The following GALNT13 variants were observed in gnomAD, a reference collection of about 807,000 sequenced individuals.
The protein encoded by GALNT13 is polypeptide N-acetylgalactosaminyltransferase 13.
In GALNT13, 28 loss-of-function variants were observed where a neutral mutation model predicts 64.2. The observed-to-expected ratio is 0.44, with a 90% CI of 0.32 to 0.60. The LOEUF (loss-of-function observed/expected upper bound fraction) is 0.60. Among genes scored for constraint, GALNT13 ranks in the 20% least tolerant of loss-of-function variants. The probability of loss-of-function intolerance (pLI) is 0.05; values close to 1 mark genes in which losing one functional copy is unlikely to be tolerated. For missense variants in GALNT13, 577 were observed against 669.8 expected (o/e 0.86, Z 1.53); for synonymous variants, 214 against 224.6 (o/e 0.95, Z 0.42).
chr2:153,778,253 A>G, the GALNT13 span, among the ~76,000 whole-genome samples: 1 of 152,162 alleles, frequency 6.6e-6, no homozygotes, highest in African/African-American at 2.4e-5. Flanking sequence ...TGCCTGCTAC[A>G]GTCTCAGAGT....
chr2:154,340,094 G>A (rs1438464150), intron 9 of GALNT13, among the ~76,000 whole-genome samples: 1 of 152,096 alleles, frequency 6.6e-6, no homozygotes, highest in Non-Finnish European at 1.5e-5. Flanking sequence ...TCAAATAATA[G>A]ACTCTGACAT....
intron 2 of GALNT13, among the ~76,000 whole-genome samples, chr2:153,940,879 G>C (rs977196242): frequency 7.2e-5 from 11 of 152,152 alleles, no homozygotes; most frequent in Admixed American, 1.3e-4. Flanking sequence ...GAAAGTTTAT[G>C]ACTATAGATA....
the GALNT13 span, among the ~76,000 whole-genome samples, chr2:153,220,336 A>T: frequency 6.6e-6 from 1 of 152,130 alleles, no homozygotes; most frequent in Non-Finnish European, 1.5e-5. Context: ...AGATAAATAC[A>T]CCTAGAACTG....
the GALNT13 span, among the ~76,000 whole-genome samples, chr2:153,166,575 T>C: frequency 2.6e-5 from 4 of 151,634 alleles, no homozygotes; most frequent in African/African-American, 9.7e-5. Flanking sequence ...CTGCTTCCCA[T>C]TCTTAAGCTG....
chr2:153,876,778 C>T (rs980544724), intron 1 of GALNT13, among the ~76,000 whole-genome samples: 1 of 152,042 alleles, frequency 6.6e-6, no homozygotes, highest in Admixed American at 6.5e-5. Flanking sequence ...TTTAGTATGT[C>T]TTTAGACTTA....
At chr2:153,324,831 C>A in the GALNT13 span, among the ~76,000 whole-genome samples, 1 of 152,110 alleles carries the variant, frequency 6.6e-6, no homozygotes, top group Non-Finnish European at 1.5e-5. Context: ...AGGAATAAAG[C>A]CAACTTGATT....
At chr2:153,282,991 T>C in the GALNT13 span, among the ~76,000 whole-genome samples, 2 of 152,192 alleles carry the variant, frequency 1.3e-5, no homozygotes, top group South Asian at 2.1e-4. Flanking sequence ...TATAAGCCAG[T>C]AGATGACACT....
intron 2 of GALNT13, among the ~76,000 whole-genome samples, chr2:153,913,378 T>C (rs1300577458): frequency 6.6e-6 from 1 of 151,878 alleles, no homozygotes; most frequent in Admixed American, 6.6e-5. Flanking sequence ...GAAGGGAAGG[T>C]TTGTCTGTGC....
the GALNT13 span, among the ~76,000 whole-genome samples, chr2:153,828,178 T>A: frequency 6.6e-6 from 1 of 152,324 alleles, no homozygotes; most frequent in South Asian, 2.1e-4. Flanking sequence ...CAGTGCAAGC[T>A]CTCAGTGGAT....
the GALNT13 span, among the ~76,000 whole-genome samples, chr2:153,760,777 T>C: frequency 1.3e-5 from 2 of 152,110 alleles, no homozygotes; most frequent in African/African-American, 4.8e-5. Flanking sequence ...GCTAATGTTT[T>C]CTTATTTATT....
intron 9 of GALNT13, among the ~76,000 whole-genome samples, chr2:154,315,090 A>G (rs12693974): frequency 0.36 from 55,066 of 151,982 alleles, 10,365 homozygotes; most frequent in East Asian, 0.64. Context: ...TTTCTCAGAT[A>G]TGCTAAATTG....
the GALNT13 span, among the ~76,000 whole-genome samples, chr2:153,800,024 T>A: frequency 2.1e-5 from 3 of 143,638 alleles, no homozygotes; most frequent in African/African-American, 7.5e-5. Context: ...TGATTTCTCT[T>A]ATGCTTATTC....
chr2:154,355,253 T>A (rs1696671792), intron 9 of GALNT13, among the ~76,000 whole-genome samples: 1 of 152,146 alleles, frequency 6.6e-6, no homozygotes, highest in African/African-American at 2.4e-5. Flanking sequence ...GCAGTAATTC[T>A]GTTGAAGCAC....
At chr2:154,126,604 C>A (rs1207749651) in intron 3 of GALNT13, among the ~76,000 whole-genome samples, 1 of 146,546 alleles carries the variant, frequency 6.8e-6, no homozygotes, top group Non-Finnish European at 1.5e-5. Context: ...CATTGCACTC[C>A]AGCCCGGACG....
chr2:154,288,828 G>A (rs1692431663), intron 8 of GALNT13, among the ~76,000 whole-genome samples: 1 of 152,218 alleles, frequency 6.6e-6, no homozygotes, highest in Non-Finnish European at 1.5e-5. Context: ...TTCACAGGCT[G>A]GCACGGAGTG....
At chr2:153,384,184 T>G in the GALNT13 span, among the ~76,000 whole-genome samples, 1 of 152,114 alleles carries the variant, frequency 6.6e-6, no homozygotes, top group Non-Finnish European at 1.5e-5. Flanking sequence ...TAATTCTCTG[T>G]TTACAAGATC....
chr2:153,071,699 C>T, the GALNT13 span, among the ~76,000 whole-genome samples: 3 of 152,210 alleles, frequency 2.0e-5, no homozygotes, highest in Admixed American at 6.5e-5. Context: ...ACATAATCCC[C>T]TTTCTGAAGA....
At chr2:153,614,086 A>G in the GALNT13 span, among the ~76,000 whole-genome samples, 1 of 152,190 alleles carries the variant, frequency 6.6e-6, no homozygotes, top group Middle Eastern at 3.4e-3. Context: ...GGAAGGAACT[A>G]TAAACTGAGT....
chr2:154,387,286 A>G (rs988433384), intron 9 of GALNT13, among the ~76,000 whole-genome samples: 5 of 151,066 alleles, frequency 3.3e-5, no homozygotes, highest in Non-Finnish European at 1.5e-5. Flanking sequence ...TCATTTATGT[A>G]CTTACAGGCT....
Sources: allele counts gnomAD v4.1 joint callset (sites outside exome capture counted in the v4.1 genomes callset), GRCh38; gene constraint gnomAD v4.1.1; transcripts MANE v1.5; gene names NCBI Gene and HGNC (gene_info 2026-07-23, HGNC 2026-07-21).